FRMPD4: variants seen among roughly 807,000 people sequenced by gnomAD.
FRMPD4 encodes FERM and PDZ domain-containing protein 4.
Under a neutral mutation model 94.1 loss-of-function variants are expected in FRMPD4, and 22 were observed. That is an observed-to-expected ratio of 0.23 (90% CI 0.17 to 0.33). The LOEUF (loss-of-function observed/expected upper bound fraction) is 0.33. FRMPD4 is among the 10% of genes least tolerant of loss of function. FRMPD4 has a pLI of 1.00. For synonymous variants in FRMPD4, 631 were observed against 548.6 expected (o/e 1.15, Z -2.10); for missense variants, 1,111 against 1,339.9 (o/e 0.83, Z 2.67).
chrX:12,481,646 G>T (rs769477577), intron 1 of FRMPD4, among the ~76,000 whole-genome samples: 1 of 110,040 alleles, frequency 9.1e-6, no homozygotes, highest in African/African-American at 3.3e-5. Flanking sequence ...CTAGAGAAAA[G>T]AAAGTGTTAT....
intron 1 of FRMPD4, among the ~76,000 whole-genome samples, chrX:12,391,449 A>T (rs1488866894): frequency 3.6e-5 from 4 of 112,020 alleles, no homozygotes; most frequent in Non-Finnish European, 5.6e-5. Flanking sequence ...CTTTCTGGTG[A>T]TTATCTAGAT....
chrX:12,568,359 C>T (rs1159205822), intron 2 of FRMPD4, among the ~76,000 whole-genome samples: 1 of 111,979 alleles, frequency 8.9e-6, no homozygotes, highest in Non-Finnish European at 1.9e-5. Context: ...ATAATTTAAA[C>T]AGATTAAGGT....
At chrX:12,594,525 T>C (rs2059011913) in intron 2 of FRMPD4, among the ~76,000 whole-genome samples, 1 of 110,663 alleles carries the variant, frequency 9.0e-6, no homozygotes, top group Admixed American at 9.6e-5. Flanking sequence ...AACCTCCGCC[T>C]CCCGGGTTCA....
At chrX:11,847,563 C>G (rs1252583501) in intron 1 of FRMPD4, among the ~76,000 whole-genome samples, 2 of 107,975 alleles carry the variant, frequency 1.9e-5, no homozygotes, top group African/African-American at 3.5e-5. Context: ...AATCATGCTG[C>G]TATAAAGACA....
At chrX:12,029,191 G>A (rs1416357696) in intron 3 of FRMPD4, among the ~76,000 whole-genome samples, 1 of 111,908 alleles carries the variant, frequency 8.9e-6, no homozygotes, top group Admixed American at 9.5e-5. Flanking sequence ...GTGTGTGGTG[G>A]TATTTAGTTG....
chrX:12,532,397 G>A lies in FRMPD4; in HGVS notation c.158+33601G>A, dbSNP rs185354563. Among the ~76,000 whole-genome samples the A allele has an allele frequency of 1.6e-3, 174 of 111,715 alleles. 4 individuals are homozygous for A. In the South Asian group the frequency reaches 0.052, roughly 34 times the overall value. On this transcript the variant is annotated intron_variant, in intron 2 of 16. Transcript: ENST00000675598. The stretch of plus-strand genomic sequence containing the variant: ...AAGGACTCTGTGGATAGACTTCAGA[G>A]AGTCCATGAAGTTGGATGGGAGGTG...
chrX:12,157,556 C>T (rs1182545700), intron 1 of FRMPD4, among the ~76,000 whole-genome samples: 3 of 111,746 alleles, frequency 2.7e-5, no homozygotes, highest in Non-Finnish European at 5.6e-5. Flanking sequence ...CTCCCCGTAA[C>T]CACAGGTGTC....
At chrX:12,556,356 G>C (rs2058594854) in intron 2 of FRMPD4, among the ~76,000 whole-genome samples, 1 of 110,708 alleles carries the variant, frequency 9.0e-6, no homozygotes, top group African/African-American at 3.3e-5. Flanking sequence ...CCTTTAAAGA[G>C]ACTCCAAGCA....
At chrX:12,177,867 A>AT (rs1177753462) in intron 1 of FRMPD4, among the ~76,000 whole-genome samples, 2 of 111,786 alleles carry the variant, frequency 1.8e-5, no homozygotes. Context: ...ACACCGAATA[A>AT]TTCAGGGGTC....
At chrX:12,342,833 C>T (rs1011699527) in intron 1 of FRMPD4, among the ~76,000 whole-genome samples, 1 of 112,029 alleles carries the variant, frequency 8.9e-6, no homozygotes, top group African/African-American at 3.2e-5. Flanking sequence ...TTCATTTATT[C>T]CTCATGATGA....
chrX:12,700,809 G>A (rs963843980), intron 9 of FRMPD4, among the ~76,000 whole-genome samples: 3 of 112,128 alleles, frequency 2.7e-5, no homozygotes, highest in African/African-American at 9.7e-5. Context: ...TGAGTAAACT[G>A]AGGCTGCAAG....
chrX:12,184,809 G>T (rs1338601354), intron 1 of FRMPD4, among the ~76,000 whole-genome samples: 1 of 111,470 alleles, frequency 9.0e-6, no homozygotes, highest in Non-Finnish European at 1.9e-5. Flanking sequence ...AGAGTAGAAG[G>T]ATGGTTACCA....
chrX:12,277,120 C>CAA (rs765802561), intron 1 of FRMPD4, among the ~76,000 whole-genome samples: 10 of 46,707 alleles, frequency 2.1e-4, no homozygotes, highest in African/African-American at 4.9e-4. Context: ...GACTCCGTCT[C>CAA]AAAAAAAAAA....
At chrX:11,877,074 T>C (rs1454681432) in intron 2 of FRMPD4, among the ~76,000 whole-genome samples, 5 of 111,792 alleles carry the variant, frequency 4.5e-5, no homozygotes, top group African/African-American at 1.6e-4. Context: ...AAAGGAGACA[T>C]TGCATATCAC....
intron 1 of FRMPD4, among the ~76,000 whole-genome samples, chrX:12,255,645 TG>T (rs1181426289): frequency 8.9e-6 from 1 of 112,252 alleles, no homozygotes; most frequent in African/African-American, 3.2e-5. Context: ...GTACTTTATA[TG>T]TTTCAAAAAA....
intron 1 of FRMPD4, among the ~76,000 whole-genome samples, chrX:12,193,460 C>T (rs2056514344): frequency 9.2e-6 from 1 of 108,659 alleles, no homozygotes; most frequent in Admixed American, 1.0e-4. Context: ...GGCCCCAGGT[C>T]AGTGTGAAGT....
chrX:12,326,992 A>G (rs2055299783), intron 1 of FRMPD4, among the ~76,000 whole-genome samples: 2 of 110,934 alleles, frequency 1.8e-5, no homozygotes, highest in South Asian at 7.6e-4. Flanking sequence ...CTGAGTCACA[A>G]AATGAGAAAT....
chrX:11,831,584 G>A (rs1379468128), intron 1 of FRMPD4, among the ~76,000 whole-genome samples: 1 of 111,661 alleles, frequency 9.0e-6, no homozygotes, highest in African/African-American at 3.3e-5. Flanking sequence ...CAGCATATGA[G>A]TATAGATATA....
At chrX:11,907,296 G>C (rs1289582750) in intron 3 of FRMPD4, among the ~76,000 whole-genome samples, 3 of 110,332 alleles carry the variant, frequency 2.7e-5, no homozygotes, top group Non-Finnish European at 5.7e-5. Flanking sequence ...AACTCCTTCT[G>C]TTTCCCTGAA....
Sources: allele counts gnomAD v4.1 joint callset (sites outside exome capture counted in the v4.1 genomes callset), GRCh38; gene constraint gnomAD v4.1.1; transcripts MANE v1.5; gene names NCBI Gene and HGNC (gene_info 2026-07-23, HGNC 2026-07-21).